DAAM1: variants seen among roughly 807,000 people sequenced by gnomAD.
DAAM1 encodes dishevelled associated activator of morphogenesis 1.
DAAM1 carries 52 observed loss-of-function variants against 130.0 expected under a neutral mutation model. The ratio of observed to expected loss-of-function variants is 0.40; its 90% CI spans 0.32 to 0.50. DAAM1 has a LOEUF of 0.50. Ranked by LOEUF, DAAM1 falls within the 20% of genes least tolerant of loss-of-function variation. The pLI, the probability that DAAM1 is intolerant of heterozygous loss-of-function variation, is 0.61. For synonymous variants in DAAM1, 452 were observed against 444.5 expected (o/e 1.02, Z -0.21); for missense variants, 1,134 against 1,303.8 (o/e 0.87, Z 2.01).
chr14:59,339,959 C>CATGTGTATACGAGTGTGTGT (rs1885780879), intron 15 of DAAM1, 115 bp from the exon 16 acceptor site: 2 of 711,252 alleles, frequency 2.8e-6, no homozygotes, highest in Admixed American at 2.5e-5. Context: ...CAGCCTTGCC[C>CATGTGTATACGAGTGTGTGT]ATGTGTATAC....
intron 1 of DAAM1, among the ~76,000 whole-genome samples, chr14:59,194,531 G>A (rs1447895099): frequency 1.3e-5 from 2 of 152,202 alleles, no homozygotes; most frequent in African/African-American, 4.8e-5. Flanking sequence ...TCTGATAAAA[G>A]ATCTTCTCAC....
intron 1 of DAAM1, among the ~76,000 whole-genome samples, chr14:59,224,530 G>T (rs183851031): frequency 7.9e-5 from 12 of 152,328 alleles, no homozygotes; most frequent in Admixed American, 7.2e-4. Flanking sequence ...CAGGCTTACA[G>T]CTGGAAGGGA....
intron 3 of DAAM1, among the ~76,000 whole-genome samples, chr14:59,307,080 C>G (rs1884406742): frequency 6.6e-6 from 1 of 152,160 alleles, no homozygotes; most frequent in African/African-American, 2.4e-5. Flanking sequence ...AGTCATGCAT[C>G]TTTTGTTTTG....
chr14:59,209,082 A>G (rs2139407316), intron 1 of DAAM1, among the ~76,000 whole-genome samples: 1 of 152,330 alleles, frequency 6.6e-6, no homozygotes, highest in East Asian at 1.9e-4. Context: ...AAAAGTCCCA[A>G]TACAGGCATG....
intron 1 of DAAM1, among the ~76,000 whole-genome samples, chr14:59,248,796 T>C (rs928518143): frequency 3.3e-5 from 5 of 152,156 alleles, no homozygotes; most frequent in African/African-American, 9.7e-5. Flanking sequence ...TTTTTTGTTT[T>C]GTTTTGAGAT....
intron 1 of DAAM1, among the ~76,000 whole-genome samples, chr14:59,246,478 C>G (rs1313995451): frequency 6.6e-6 from 1 of 152,090 alleles, no homozygotes; most frequent in Non-Finnish European, 1.5e-5. Flanking sequence ...TTCCTTCCAC[C>G]TCTCTGCTAT....
intron 1 of DAAM1, among the ~76,000 whole-genome samples, chr14:59,227,796 C>G (rs1888987388): frequency 6.6e-6 from 1 of 152,094 alleles, no homozygotes; most frequent in Non-Finnish European, 1.5e-5. Context: ...ACACGTAGTC[C>G]AAATGTGTTT....
chr14:59,242,826 T>C (rs1594776086), intron 1 of DAAM1, among the ~76,000 whole-genome samples: 1 of 152,314 alleles, frequency 6.6e-6, no homozygotes. Context: ...AGTGCTGGGA[T>C]TACAGGTGTG....
At position 59,324,109 on chromosome 14, in the gene DAAM1, G is replaced by C. The variant is rs185327791; in HGVS notation, c.775-19G>C. 1.5e-6 allele frequency: 2 copies of C among 1,358,372 alleles called. No homozygotes were observed. Among genetic ancestry groups the C allele is most frequent in the African/African-American group, 1.5e-5 (1 of 67,120 alleles). 84.1% of individuals were successfully genotyped at this position (1,358,372 alleles called of 1,614,324 possible). On this transcript the variant is annotated intron_variant, in intron 6 of 24. Coordinates refer to ENST00000360909, the MANE Select transcript of DAAM1 (RefSeq NM_001270520.2). ...AAGGTTAGTAACGTTTCAGTCCTTT[G>C]TTTTTCTATTTTTGATAGACATTAA...
intron 10 of DAAM1, among the ~76,000 whole-genome samples, 174 bp from the exon 11 acceptor site, chr14:59,326,336 C>G (rs904174997): frequency 6.6e-6 from 1 of 152,136 alleles, no homozygotes; most frequent in Non-Finnish European, 1.5e-5. Flanking sequence ...GGGTACCTCT[C>G]AATCAAATAA....
intron 22 of DAAM1, among the ~76,000 whole-genome samples, chr14:59,362,002 C>A (rs1886720828): frequency 2.1e-5 from 3 of 142,416 alleles, no homozygotes; most frequent in Admixed American, 7.1e-5. Context: ...AATTAAGGAG[C>A]ATGTGAGGTT....
intron 2 of DAAM1, among the ~76,000 whole-genome samples, chr14:59,281,033 CA>C (rs1389916991): frequency 7.5e-6 from 1 of 134,088 alleles, no homozygotes. Flanking sequence ...ACATTTCCTG[CA>C]GGATGAGTTC....
chr14:59,346,352 T>C (rs1272833627), intron 16 of DAAM1, among the ~76,000 whole-genome samples: 1 of 152,212 alleles, frequency 6.6e-6, no homozygotes, highest in East Asian at 1.9e-4. Flanking sequence ...TATATTTGTG[T>C]GTTTACATCT....
At chr14:59,188,953 G>A (rs1319582004) in intron 1 of DAAM1, among the ~76,000 whole-genome samples, 185 bp downstream of exon 1, 7 of 152,332 alleles carry the variant, frequency 4.6e-5, no homozygotes, top group African/African-American at 1.7e-4. Flanking sequence ...GGTCTGGGTG[G>A]GAACGGGACC....
chr14:59,271,564 C>G (rs1004043181), intron 2 of DAAM1, among the ~76,000 whole-genome samples: 1 of 152,112 alleles, frequency 6.6e-6, no homozygotes, highest in African/African-American at 2.4e-5. Flanking sequence ...AATGAATTCA[C>G]TTGGGAACCT....
intron 15 of DAAM1, 123 bp from the exon 16 acceptor site, chr14:59,339,951 G>T (rs1188731055): frequency 7.8e-6 from 5 of 639,044 alleles, no homozygotes; most frequent in Non-Finnish European, 1.3e-5. Flanking sequence ...CACCATTTCA[G>T]CCTTGCCCAT....
At chr14:59,237,534 A>T (rs1485052040) in intron 1 of DAAM1, among the ~76,000 whole-genome samples, 1 of 152,228 alleles carries the variant, frequency 6.6e-6, no homozygotes, top group Non-Finnish European at 1.5e-5. Context: ...ATCTGACCTC[A>T]TAGAGCATTT....
intron 1 of DAAM1, among the ~76,000 whole-genome samples, chr14:59,240,535 T>C (rs536700993): frequency 9.6e-4 from 147 of 152,344 alleles, no homozygotes; most frequent in Non-Finnish European, 1.8e-3. Context: ...AGTAGTTAAA[T>C]GATGTCATCA....
chr14:59,322,207 C>T (rs932443483), intron 5 of DAAM1, among the ~76,000 whole-genome samples: 7 of 152,046 alleles, frequency 4.6e-5, no homozygotes, highest in East Asian at 3.9e-4. Flanking sequence ...CTTAAAAGTG[C>T]GTCAGCAATC....
Sources: allele counts gnomAD v4.1 joint callset (sites outside exome capture counted in the v4.1 genomes callset), GRCh38; gene constraint gnomAD v4.1.1; transcripts MANE v1.5; gene names NCBI Gene and HGNC (gene_info 2026-07-23, HGNC 2026-07-21).